Variants in ELMO1 observed in about 807,000 individuals in gnomAD.
The protein encoded by ELMO1 is engulfment and cell motility 1.
In ELMO1, 26 loss-of-function variants were observed where a neutral mutation model predicts 98.9. The ratio of observed to expected loss-of-function variants is 0.26; its 90% CI spans 0.19 to 0.36. The LOEUF is 0.36. Ranked by LOEUF, ELMO1 falls within the 10% of genes least tolerant of loss-of-function variation. The pLI is 1.00. For missense variants in ELMO1, 627 were observed against 935.2 expected, an observed-to-expected ratio of 0.67 and a Z score of 4.30; for synonymous variants, 346 against 346.0, an observed-to-expected ratio of 1.00 and a Z score of 0.00.
intron 16 of ELMO1, among the ~76,000 whole-genome samples, chr7:36,919,143 G>C (rs753130324): frequency 8.5e-5 from 13 of 152,174 alleles, no homozygotes; most frequent in Non-Finnish European, 1.5e-4. Context: ...CAATATTCAA[G>C]CAAGTAAATA....
chr7:37,207,978 G>A (rs1425583696), intron 13 of ELMO1, among the ~76,000 whole-genome samples: 1 of 152,186 alleles, frequency 6.6e-6, no homozygotes, highest in Non-Finnish European at 1.5e-5. Flanking sequence ...TTGCTCCATT[G>A]GGATGTTGTG....
At chr7:36,868,942 G>A (rs891573630) in intron 20 of ELMO1, among the ~76,000 whole-genome samples, 4 of 152,284 alleles carry the variant, frequency 2.6e-5, no homozygotes, top group Admixed American at 2.0e-4. Context: ...CGTGCTCTCC[G>A]AGATTGTGGA....
intron 2 of ELMO1, among the ~76,000 whole-genome samples, chr7:37,320,214 T>C (rs1313295028): frequency 2.6e-5 from 4 of 151,836 alleles, no homozygotes; most frequent in Admixed American, 2.6e-4. Context: ...GAGGTGGAGG[T>C]TGCAGTGAGC....
chr7:37,026,213 G>A (rs575183904), intron 15 of ELMO1, among the ~76,000 whole-genome samples: 1 of 152,226 alleles, frequency 6.6e-6, no homozygotes, highest in East Asian at 1.9e-4. Context: ...GGATTATGTT[G>A]GGATACAGGC....
intron 1 of ELMO1, among the ~76,000 whole-genome samples, chr7:37,351,456 C>T (rs551102488): frequency 6.6e-6 from 1 of 152,282 alleles, no homozygotes; most frequent in South Asian, 2.1e-4. Context: ...CAGCCATGCT[C>T]CCTCCATGGG....
intron 16 of ELMO1, among the ~76,000 whole-genome samples, chr7:36,966,993 G>C (rs924563418): frequency 2.6e-5 from 4 of 151,976 alleles, no homozygotes; most frequent in African/African-American, 9.7e-5. Flanking sequence ...CAGTGCCAAG[G>C]TATAACGTGC....
intron 14 of ELMO1, among the ~76,000 whole-genome samples, chr7:37,130,794 C>T (rs539391493): frequency 8.6e-5 from 13 of 151,894 alleles, no homozygotes; most frequent in African/African-American, 3.1e-4. Context: ...TTTTTTTAAT[C>T]TCAACTATAA....
chr7:37,401,527 T>C (rs544322174), intron 1 of ELMO1, among the ~76,000 whole-genome samples: 94 of 152,202 alleles, frequency 6.2e-4, no homozygotes, highest in African/African-American at 2.2e-3. Flanking sequence ...AGGAAACAAG[T>C]TTAATTGACT....
chr7:37,165,547 G>A lies in ELMO1; in HGVS notation c.1087-32313C>T, dbSNP rs568224700. Among the ~76,000 whole-genome samples, 83 of 152,172 alleles carry A rather than the reference G, an allele frequency of 5.5e-4. 3 individuals are homozygous for A. In the South Asian group the frequency reaches 0.016, roughly 30 times the overall value. On this transcript the variant is annotated intron_variant, in intron 13 of 21. Coordinates refer to ENST00000310758, the MANE Select transcript of ELMO1 (RefSeq NM_014800.11). ...ATTTATTGAGAGTTCTTAGCATGAA[G>A]GGCTGTTGAATTTTGTCAAAGGCCT...
intron 17 of ELMO1, among the ~76,000 whole-genome samples, chr7:36,887,876 T>G (rs1335523672): frequency 6.6e-6 from 1 of 152,168 alleles, no homozygotes; most frequent in Non-Finnish European, 1.5e-5. Flanking sequence ...TTCTGTGACA[T>G]TTACAGAATT....
At chr7:37,030,277 C>T (rs987307905) in intron 15 of ELMO1, among the ~76,000 whole-genome samples, 2 of 152,154 alleles carry the variant, frequency 1.3e-5, no homozygotes, top group African/African-American at 4.8e-5. Flanking sequence ...TACTCTCAGG[C>T]ATTTTTGTTC....
chr7:37,072,344 A>G (rs1265620352), intron 15 of ELMO1, among the ~76,000 whole-genome samples: 1 of 152,160 alleles, frequency 6.6e-6, no homozygotes, highest in East Asian at 1.9e-4. Flanking sequence ...AATAAGTCTC[A>G]TAAGATCGGC....
chr7:37,402,159 G>T (rs1803565254), intron 1 of ELMO1, among the ~76,000 whole-genome samples: 1 of 152,250 alleles, frequency 6.6e-6, no homozygotes, highest in Admixed American at 6.5e-5. Flanking sequence ...TGAACCTGTT[G>T]ATGAGTGGGA....
At chr7:37,360,509 TAAAAGAC>T (rs1801662041) in intron 1 of ELMO1, among the ~76,000 whole-genome samples, 1 of 151,614 alleles carries the variant, frequency 6.6e-6, no homozygotes, top group Admixed American at 6.6e-5. Context: ...GCCACACACT[TAAAAGAC>T]AAAACTCTAG....
intron 1 of ELMO1, among the ~76,000 whole-genome samples, chr7:37,347,501 GTACTATTCTTATGGTATTCT>G (rs1269193878): frequency 1.6e-5 from 2 of 127,076 alleles, no homozygotes; most frequent in Non-Finnish European, 3.3e-5. Flanking sequence ...TATTCTTACG[GTACTATTCTTATGGTATTCT>G]TATTCTTATT....
chr7:37,371,204 T>C (rs1224290088), intron 1 of ELMO1, among the ~76,000 whole-genome samples: 3 of 152,190 alleles, frequency 2.0e-5, no homozygotes, highest in South Asian at 4.2e-4. Flanking sequence ...CAAAAAAAAA[T>C]CATTTGTATT....
intron 14 of ELMO1, 124 bp from the exon 15 acceptor site, chr7:37,096,851 G>A (rs1392743559): frequency 9.0e-6 from 8 of 889,276 alleles, no homozygotes; most frequent in Middle Eastern, 3.0e-4. Flanking sequence ...AGACTCTTGG[G>A]GCCAGGACAA....
In ELMO1 at chr7:37,143,798, C is replaced by T. The variant is rs548010839; in HGVS notation, c.1087-10564G>A. Reference sequence around the variant, plus strand: ...TGATCTCGGCTCACTGCAGCCTCTGCCCCCTGGGTTCTAGCAATTCTCCTG... The same window carrying T: ...TGATCTCGGCTCACTGCAGCCTCTGTCCCCTGGGTTCTAGCAATTCTCCTG... On this transcript the variant is annotated intron_variant, in intron 13 of 21. Coordinates refer to ENST00000310758, the MANE Select transcript of ELMO1 (RefSeq NM_014800.11). Among the ~76,000 whole-genome samples the T allele has an allele frequency of 3.5e-4, 51 of 147,814 alleles. No individual in the cohort carries two copies. In the South Asian group the frequency reaches 0.011, roughly 31 times the overall value.
rs1304513016 is a variant in ELMO1, at chr7:37,059,190, C to G, written c.1300+37429G>C. On this transcript the variant is annotated intron_variant, in intron 15 of 21. Transcript: ENST00000310758. ...AGTATTTTAAATAAACCCAAGGGAG[C>G]CAATTCTGATCCACCAGGGAAAATA... Among the ~76,000 whole-genome samples, 4 of 152,248 alleles carry G rather than the reference C, an allele frequency of 2.6e-5. No individual in the cohort carries two copies. The South Asian group carries it at 8.3e-4, about 32-fold the overall frequency.
Sources: gnomAD v4.1 joint callset for allele counts (sites outside exome capture counted in the v4.1 genomes callset) on GRCh38, gnomAD v4.1.1 for gene constraint, MANE v1.5 for transcripts, NCBI Gene and HGNC (gene_info 2026-07-23, HGNC 2026-07-21) for gene names.